FRAS1: variants seen among roughly 807,000 people sequenced by gnomAD.
FRAS1 encodes Fraser extracellular matrix complex subunit 1.
FRAS1 carries 290 observed loss-of-function variants against 435.2 expected under a neutral mutation model. That is an observed-to-expected ratio of 0.67 (90% confidence interval 0.61 to 0.73). FRAS1 has a LOEUF of 0.73. FRAS1 is among the 30% of genes least tolerant of loss of function. FRAS1 has a pLI of 0.00. For missense variants in FRAS1, 4,860 were observed against 5,001.5 expected, an observed-to-expected ratio of 0.97 and a Z score of 0.85; for synonymous variants, 1,800 against 1,851.0, an observed-to-expected ratio of 0.97 and a Z score of 0.71.
At chr4:78,137,118 G>A (rs10009577) in intron 2 of FRAS1, among the ~76,000 whole-genome samples, 7,423 of 152,292 alleles carry the variant, frequency 0.049, 252 homozygotes, top group Admixed American at 0.083. Context: ...CCACCTGGGT[G>A]TGTTTTTTAC....
Position 78,464,054 on chromosome 4 carries a change from T to C in FRAS1, c.6797T>C (p.Leu2266Pro), listed in dbSNP as rs572932248. 147 of 1,613,670 alleles carry C rather than the reference T, an allele frequency of 9.1e-5. No homozygotes were observed. The South Asian group carries it at 1.5e-3, about 17-fold the overall frequency. The change falls in exon 48 of 74, where the codon CTG becomes CCG. Residue 2266 changes from leucine to proline, a missense_variant. Transcript: ENST00000512123. ...IQISSFTQAD[L>P]TSRNVQYVHS... ...ATTAGTTCCTTTACTCAAGCTGATC[T>C]GACTTCACGAAATGTTCAGTATGTC...
chr4:78,267,487 G>A lies in FRAS1; in HGVS notation c.981+55G>A, dbSNP rs968388073. Reference sequence around the variant, plus strand: ...CGTTGCAGCTCTTTCCAACGGGATAGTGAGGGGTCCTGCCTGTTCTTTACT... The same window carrying A: ...CGTTGCAGCTCTTTCCAACGGGATAATGAGGGGTCCTGCCTGTTCTTTACT... On this transcript the variant is annotated intron_variant, in intron 9 of 73. Transcript: ENST00000512123. The A allele has an allele frequency of 5.0e-5, 76 of 1,530,194 alleles. No homozygotes were observed. In the East Asian group the frequency reaches 9.5e-4, roughly 19 times the overall value. The allele number at this position is 1,530,194 out of a possible 1,614,324, so 94.8% of individuals were successfully genotyped here. A position where few individuals can be genotyped will look rare whatever the true frequency, so the allele number is the denominator to read the frequency against.
At chr4:78,416,853 G>A (rs1473878128) in intron 32 of FRAS1, among the ~76,000 whole-genome samples, 3 of 152,160 alleles carry the variant, frequency 2.0e-5, no homozygotes, top group Admixed American at 2.0e-4. Context: ...GAGGCCACTG[G>A]GTTAATCCTG....
intron 2 of FRAS1, among the ~76,000 whole-genome samples, chr4:78,182,655 A>G (rs1364865853): frequency 1.3e-5 from 2 of 152,088 alleles, no homozygotes; most frequent in African/African-American, 4.8e-5. Flanking sequence ...AGGCAGGCGG[A>G]TCATTTGAGG....
At chr4:78,485,093 C>T (rs570319396) in intron 58 of FRAS1, among the ~76,000 whole-genome samples, 1 of 152,248 alleles carries the variant, frequency 6.6e-6, no homozygotes, top group African/African-American at 2.4e-5. Flanking sequence ...AGCCCCACCA[C>T]TTCCTAGGTC....
intron 2 of FRAS1, among the ~76,000 whole-genome samples, chr4:78,186,408 A>G (rs951748164): frequency 6.6e-6 from 1 of 152,196 alleles, no homozygotes; most frequent in Non-Finnish European, 1.5e-5. Context: ...TACTCTATTT[A>G]TCATAAAGCC....
intron 2 of FRAS1, among the ~76,000 whole-genome samples, chr4:78,133,693 A>C (rs1002522617): frequency 3.9e-5 from 6 of 152,198 alleles, no homozygotes; most frequent in African/African-American, 1.4e-4. Context: ...TTTCCTAAAA[A>C]ATATGCCTGT....
At chr4:78,113,707 C>T (rs1742905948) in intron 2 of FRAS1, among the ~76,000 whole-genome samples, 1 of 152,062 alleles carries the variant, frequency 6.6e-6, no homozygotes, top group Non-Finnish European at 1.5e-5. Context: ...TGTTTGAGTT[C>T]ATTGTAGATT....
chr4:78,387,501 C>T lies in FRAS1; in HGVS notation c.3775C>T (p.Pro1259Ser), dbSNP rs780542500. The change falls in exon 29 of 74, where the codon CCT (proline) becomes TCT (serine). Residue 1259 changes from proline to serine, a missense_variant. Coordinates refer to ENST00000512123, the MANE Select transcript of FRAS1 (RefSeq NM_025074.7). ...PQDVVIEIIDPPLHGQLLQTL... is the reference protein window; with the variant it reads ...PQDVVIEIIDSPLHGQLLQTL... ...GGATGTGGTCATTGAAATAATCGAT[C>T]CTCCACTTCATGGCCAATTGCTTCA... The T allele has an allele frequency of 4.2e-5, 68 of 1,613,660 alleles. No individual in the cohort carries two copies. The Middle Eastern group carries it at 8.2e-4, about 20-fold the overall frequency.
chr4:78,077,406 A>AT (rs1262373087), intron 2 of FRAS1, among the ~76,000 whole-genome samples: 6 of 151,978 alleles, frequency 3.9e-5, no homozygotes, highest in African/African-American at 1.2e-4. Flanking sequence ...TAAGAATTCA[A>AT]TTTTTTTGTT....
intron 2 of FRAS1, among the ~76,000 whole-genome samples, chr4:78,190,216 C>T (rs928794077): frequency 6.6e-6 from 1 of 152,218 alleles, no homozygotes; most frequent in African/African-American, 2.4e-5. Context: ...CACTACAGTA[C>T]AGCCGCTGTG....
At chr4:78,533,825 A>G (rs1174844253) in intron 70 of FRAS1, among the ~76,000 whole-genome samples, 1 of 152,190 alleles carries the variant, frequency 6.6e-6, no homozygotes, top group African/African-American at 2.4e-5. Flanking sequence ...AGATAGTTAA[A>G]TTTGGCATTA....
At chr4:78,402,686 A>T (rs185947186) in intron 30 of FRAS1, among the ~76,000 whole-genome samples, 1 of 151,046 alleles carries the variant, frequency 6.6e-6, no homozygotes. Flanking sequence ...CACAGGCCTT[A>T]TTCAAATTTT....
At chr4:78,443,523 G>A (rs1179928310) in intron 41 of FRAS1, among the ~76,000 whole-genome samples, 1 of 152,188 alleles carries the variant, frequency 6.6e-6, no homozygotes, top group East Asian at 1.9e-4. Context: ...ATTCATTCAG[G>A]ACTGGCACAG....
intron 58 of FRAS1, among the ~76,000 whole-genome samples, chr4:78,485,852 T>C (rs1440758761): frequency 6.6e-6 from 1 of 152,198 alleles, no homozygotes; most frequent in Non-Finnish European, 1.5e-5. Context: ...CACTGCCCTC[T>C]GTATAACAAT....
At chr4:78,414,806 A>G (rs575703564) in intron 32 of FRAS1, among the ~76,000 whole-genome samples, 5 of 152,364 alleles carry the variant, frequency 3.3e-5, no homozygotes, top group South Asian at 4.1e-4. Flanking sequence ...GTCAATGACC[A>G]TAAAACACAG....
chr4:78,163,843 T>G (rs1721235906), intron 2 of FRAS1, among the ~76,000 whole-genome samples: 1 of 152,244 alleles, frequency 6.6e-6, no homozygotes, highest in Non-Finnish European at 1.5e-5. Flanking sequence ...ACAGAAGCAG[T>G]ATAAGGAGTT....
intron 2 of FRAS1, among the ~76,000 whole-genome samples, chr4:78,117,359 C>G (rs1718658623): frequency 6.6e-6 from 1 of 152,100 alleles, no homozygotes; most frequent in African/African-American, 2.4e-5. Flanking sequence ...TCTATATTTC[C>G]TACATTTGAA....
At chr4:78,161,150 A>G (rs1745628529) in intron 2 of FRAS1, among the ~76,000 whole-genome samples, 1 of 152,006 alleles carries the variant, frequency 6.6e-6, no homozygotes, top group Non-Finnish European at 1.5e-5. Flanking sequence ...GGAAAAAAAA[A>G]ATCTATAAAA....
Sources: gnomAD v4.1 joint callset for allele counts (sites outside exome capture counted in the v4.1 genomes callset) on GRCh38, gnomAD v4.1.1 for gene constraint, MANE v1.5 for transcripts, NCBI Gene and HGNC (gene_info 2026-07-23, HGNC 2026-07-21) for gene names.